ADGRE1: variants seen among roughly 807,000 people sequenced by gnomAD.
The protein encoded by ADGRE1 is EGF-like module receptor 1.
In ADGRE1, 82 loss-of-function variants were observed where a neutral mutation model predicts 102.7. The ratio of observed to expected loss-of-function variants is 0.80; its 90% CI spans 0.67 to 0.96. The LOEUF (loss-of-function observed/expected upper bound fraction) is 0.96. ADGRE1 is among the 40% of genes least tolerant of loss of function. The pLI, the probability that ADGRE1 is intolerant of heterozygous loss-of-function variation, is 0.00. For missense variants in ADGRE1, 1,032 were observed against 1,085.3 expected, an observed-to-expected ratio of 0.95 and a Z score of 0.69; for synonymous variants, 398 against 399.6, an observed-to-expected ratio of 1.00 and a Z score of 0.05.
chr19:6,921,998 A>T (rs1974688084), intron 14 of ADGRE1, 115 bp downstream of exon 14: 2 of 1,256,028 alleles, frequency 1.6e-6, no homozygotes, highest in African/African-American at 1.5e-5. Context: ...TGTGGGATGG[A>T]GTCACGGGGA....
chr19:6,890,977 A>G (rs1973345665), intron 2 of ADGRE1, among the ~76,000 whole-genome samples: 1 of 152,100 alleles, frequency 6.6e-6, no homozygotes, highest in African/African-American at 2.4e-5. Flanking sequence ...ATCTACATAA[A>G]CTCTTGCTGG....
At chr19:6,906,368 C>G (rs770219433) in intron 8 of ADGRE1, 65 bp from the exon 9 acceptor site, 42 of 1,438,832 alleles carry the variant, frequency 2.9e-5, no homozygotes, top group Non-Finnish European at 4.1e-5. Context: ...TGAAATCAGA[C>G]TTGAATTTTC....
At position 6,896,124 on chromosome 19, in the gene ADGRE1, G is replaced by A; in HGVS notation, c.95-274G>A. On this transcript the variant is annotated intron_variant, in intron 2 of 20. Transcript: ENST00000312053. ...GTTGCATGGCACTGTCCCTGTGCAT[G>A]TCTGTGTGTCTCTTCTCTTCTTATA... 6 of 351,498 alleles carry A rather than the reference G, an allele frequency of 1.7e-5. No individual in the cohort carries two copies. In the South Asian group the frequency reaches 2.6e-4, roughly 15 times the overall value. The allele number at this position is 351,498 out of a possible 1,614,324, so 21.8% of individuals were successfully genotyped here. A position where few individuals can be genotyped will look rare whatever the true frequency, so the allele number is the denominator to read the frequency against.
chr19:6,911,626 AATAAAC>A (rs1315751216), intron 10 of ADGRE1, among the ~76,000 whole-genome samples: 4 of 92,438 alleles, frequency 4.3e-5, no homozygotes, highest in Non-Finnish European at 1.2e-4. Flanking sequence ...TACACATACA[AATAAAC>A]ACACACACAT....
rs751073766 is a variant in ADGRE1, at chr19:6,897,542, G to C, written c.509G>C (p.Cys170Ser). The change falls in exon 5 of 21, where the codon TGT (cysteine) becomes TCT (serine). Residue 170 changes from cysteine (C) to serine (S), a missense_variant. Physicochemically the swap from Cys to Ser is moderately radical, Grantham distance 112. Transcript: ENST00000312053. Reference sequence around the variant, plus strand: ...GGATTCATCTCTAGAAACTCCACCTGTGAAGGTATCCATGACCATCTCTTT... The same window carrying C: ...GGATTCATCTCTAGAAACTCCACCTCTGAAGGTATCCATGACCATCTCTTT... ...QVGFISRNST[C>S]EDVDECADPR... The C allele has an allele frequency of 4.5e-6, 7 of 1,560,536 alleles. No individual in the cohort carries two copies. Among genetic ancestry groups the C allele is most frequent in the Non-Finnish European group, 6.0e-6 (7 of 1,159,928 alleles).
At chr19:6,918,117 C>A (rs1974470431) in intron 12 of ADGRE1, among the ~76,000 whole-genome samples, 1 of 152,092 alleles carries the variant, frequency 6.6e-6, no homozygotes, top group Non-Finnish European at 1.5e-5. Context: ...CAGGTAATAT[C>A]AGTTATTGAA....
chr19:6,901,772 C>T, intron 5 of ADGRE1, 103 bp from the exon 6 acceptor site: 2 of 1,189,522 alleles, frequency 1.7e-6, no homozygotes, highest in Non-Finnish European at 2.4e-6. Context: ...GAGCATCAGC[C>T]CTGTCTGCTG....
At chr19:6,920,406 A>G (rs1477709563) in intron 13 of ADGRE1, among the ~76,000 whole-genome samples, 1 of 150,972 alleles carries the variant, frequency 6.6e-6, no homozygotes, top group African/African-American at 2.4e-5. Flanking sequence ...TTTTTAGTGC[A>G]GACGGGGTTT....
At chr19:6,898,547 C>T in intron 5 of ADGRE1, 3 of 1,521,722 alleles carry the variant, frequency 2.0e-6, no homozygotes, top group Non-Finnish European at 2.7e-6. Context: ...CTGAGGCACC[C>T]AATTTCTTAT....
At position 6,917,230 on chromosome 19, in the gene ADGRE1, G is replaced by A. The variant is rs573197591; in HGVS notation, c.1420+862G>A. On this transcript the variant is annotated intron_variant, in intron 12 of 20. Coordinates refer to ENST00000312053, the MANE Select transcript of ADGRE1 (RefSeq NM_001974.5). ...AGCCCCTGATCTGATCTATGCATACGATTAATGCTATGATTAATACTTTAA... is the reference window on the plus strand; with the variant it reads ...AGCCCCTGATCTGATCTATGCATACAATTAATGCTATGATTAATACTTTAA... 8.5e-5 allele frequency among the ~76,000 whole-genome samples: 13 copies of A among 152,326 alleles called. No homozygotes were observed. The South Asian group carries it at 1.4e-3, about 17-fold the overall frequency.
intron 1 of ADGRE1, 60 bp from the exon 2 acceptor site, chr19:6,890,421 G>GTT (rs57355800): frequency 0.022 from 9,859 of 438,650 alleles, 7 homozygotes; most frequent in South Asian, 0.037. Flanking sequence ...AGCCCAAAAG[G>GTT]TTTTTTTTTT....
chr19:6,917,676 G>A lies in ADGRE1; in HGVS notation c.1420+1308G>A, dbSNP rs973235121. Reference sequence around the variant, plus strand: ...AATTGCTTGAACCTGGGAGGTGGAGGCTGCAGTGAGCTGAGATCGCGCCAC... The same window carrying A: ...AATTGCTTGAACCTGGGAGGTGGAGACTGCAGTGAGCTGAGATCGCGCCAC... On this transcript the variant is annotated intron_variant, in intron 12 of 20. Coordinates refer to ENST00000312053, the MANE Select transcript of ADGRE1 (RefSeq NM_001974.5). Among the ~76,000 whole-genome samples the A allele has an allele frequency of 3.3e-5, 5 of 150,016 alleles. No homozygotes were observed. The Admixed American group carries it at 3.4e-4, about 10-fold the overall frequency.
intron 17 of ADGRE1, among the ~76,000 whole-genome samples, chr19:6,930,825 G>A (rs571115344): frequency 2.0e-5 from 3 of 152,078 alleles, no homozygotes; most frequent in Non-Finnish European, 4.4e-5. Flanking sequence ...TTTTAGTAGA[G>A]ACGGGATTTC....
At chr19:6,935,887 T>C (rs1288111163) in intron 18 of ADGRE1, among the ~76,000 whole-genome samples, 1 of 152,224 alleles carries the variant, frequency 6.6e-6, no homozygotes, top group African/African-American at 2.4e-5. Flanking sequence ...TATTTTCTGC[T>C]GATTTAATGC....
intron 2 of ADGRE1, 27 bp downstream of exon 2, chr19:6,890,570 G>A (rs374159205): frequency 3.7e-6 from 6 of 1,606,894 alleles, no homozygotes; most frequent in African/African-American, 1.3e-5. Context: ...GAATGCAGAT[G>A]CCTGAAGGGG....
chr19:6,909,583 TTTCCTTCCTTTTTA>T (rs56212020), intron 10 of ADGRE1, among the ~76,000 whole-genome samples: 95,258 of 151,558 alleles, frequency 0.63, 31,727 homozygotes, highest in Non-Finnish European at 0.75. Context: ...CCTTCTTTCT[TTTCCTTCCTTTTTA>T]CTGTTAATGA....
intron 20 of ADGRE1, among the ~76,000 whole-genome samples, chr19:6,939,073 G>A (rs141345491): frequency 0.012 from 1,894 of 152,150 alleles, 42 homozygotes; most frequent in African/African-American, 0.036. Flanking sequence ...TGGGATTACA[G>A]GTGTGAGCCA....
At chr19:6,900,636 G>A (rs1885732086) in intron 5 of ADGRE1, among the ~76,000 whole-genome samples, 1 of 152,136 alleles carries the variant, frequency 6.6e-6, no homozygotes. Context: ...CAGCCAGAAT[G>A]TCCTCACCAA....
At position 6,906,505 on chromosome 19, in the gene ADGRE1, C is replaced by T. The variant is rs1817127160; in HGVS notation, c.1022C>T (p.Ala341Val). 2 of 1,613,496 alleles carry T rather than the reference C, an allele frequency of 1.2e-6. No homozygotes were observed. Among genetic ancestry groups the T allele is most frequent in the Non-Finnish European group, 1.7e-6 (2 of 1,179,728 alleles). Residue 341 changes from alanine to valine, a missense_variant, in exon 9 of 21, where the codon GCA (alanine) becomes GTA (valine). Ala to Val is a moderately conservative substitution (Grantham distance 64). Coordinates refer to ENST00000312053, the MANE Select transcript of ADGRE1 (RefSeq NM_001974.5). ...ATCCAGCAATGCCAAGAGGGAACCG[C>T]AGTGAAACCTGCATATGCAAGTATT... ...KQIQQCQEGTAVKPAYVSFCA... is the reference protein window; with the variant it reads ...KQIQQCQEGTVVKPAYVSFCA...
Sources: allele counts gnomAD v4.1 joint callset (sites outside exome capture counted in the v4.1 genomes callset), GRCh38; gene constraint gnomAD v4.1.1; transcripts MANE v1.5; gene names NCBI Gene and HGNC (gene_info 2026-07-23, HGNC 2026-07-21).